SOX5: variants seen among roughly 807,000 people sequenced by gnomAD.
SOX5 encodes the protein transcription factor SOX-5.
A neutral mutation model predicts 92.0 loss-of-function variants in SOX5; 9 were observed. The ratio of observed to expected loss-of-function variants is 0.10; its 90% CI spans 0.06 to 0.17. The LOEUF is 0.17. Ranked by LOEUF, SOX5 falls within the 10% of genes least tolerant of loss-of-function variation. The pLI is 1.00. For synonymous variants in SOX5, 344 were observed against 336.3 expected (o/e 1.02, Z -0.25); for missense variants, 642 against 944.5 (o/e 0.68, Z 4.20).
intron 2 of SOX5, among the ~76,000 whole-genome samples, chr12:24,356,509 G>A (rs953319917): frequency 3.3e-5 from 5 of 151,844 alleles, no homozygotes; most frequent in African/African-American, 2.4e-5. Context: ...CTGAAATAAC[G>A]AAATAAAACA....
At chr12:23,796,098 A>G (rs1219661689) in intron 3 of SOX5, among the ~76,000 whole-genome samples, 1 of 152,150 alleles carries the variant, frequency 6.6e-6, no homozygotes, top group Non-Finnish European at 1.5e-5. Flanking sequence ...CCTTTTAACT[A>G]CAACTCAGTT....
intron 3 of SOX5, among the ~76,000 whole-genome samples, chr12:23,816,153 C>T (rs114155941): frequency 0.014 from 2,080 of 151,418 alleles, 51 homozygotes; most frequent in African/African-American, 0.048. Context: ...TATTTGCGGA[C>T]CACTGCTCTA....
chr12:24,150,485 A>C (rs1321518749), intron 4 of SOX5, among the ~76,000 whole-genome samples: 1 of 152,166 alleles, frequency 6.6e-6, no homozygotes, highest in African/African-American at 2.4e-5. Context: ...GAAGATAAAA[A>C]TTTGGTGACC....
At chr12:23,847,570 AAT>A (rs1322480275) in intron 2 of SOX5, among the ~76,000 whole-genome samples, 1 of 152,158 alleles carries the variant, frequency 6.6e-6, no homozygotes, top group East Asian at 1.9e-4. Context: ...ATAATCTGTT[AAT>A]ATGTTTTTTT....
At chr12:23,546,460 A>C (rs560846657) in intron 11 of SOX5, 36 bp from the exon 12 acceptor site, 1 of 1,179,828 alleles carries the variant, frequency 8.5e-7, no homozygotes. Context: ...CAGTCTAGGA[A>C]TTAAAATTAT....
chr12:23,830,191 T>A (rs1001200957), intron 3 of SOX5, among the ~76,000 whole-genome samples: 16 of 152,208 alleles, frequency 1.1e-4, no homozygotes, highest in Admixed American at 1.0e-3. Flanking sequence ...TTAAAACACT[T>A]ATTCCTGAAG....
At chr12:23,971,121 C>CTTTTTTTTTTTTTTT (rs71059953) in intron 4 of SOX5, among the ~76,000 whole-genome samples, 1 of 86,222 alleles carries the variant, frequency 1.2e-5, no homozygotes, top group African/African-American at 5.4e-5. Context: ...TGTCAGCTGA[C>CTTTTTTTTTTTTTTT]TTTTTTTTTT....
intron 4 of SOX5, among the ~76,000 whole-genome samples, chr12:23,968,343 T>G (rs990676081): frequency 1.3e-5 from 2 of 152,236 alleles, no homozygotes; most frequent in Non-Finnish European, 2.9e-5. Context: ...CTACTTGACC[T>G]TGGCTAAGCC....
intron 8 of SOX5, among the ~76,000 whole-genome samples, chr12:23,639,777 G>A (rs1193267253): frequency 6.6e-6 from 1 of 152,164 alleles, no homozygotes; most frequent in Non-Finnish European, 1.5e-5. Flanking sequence ...TGGCCTTTCA[G>A]AAACCCACCA....
intron 2 of SOX5, among the ~76,000 whole-genome samples, chr12:24,310,927 A>C (rs914290845): frequency 6.6e-6 from 1 of 152,124 alleles, no homozygotes; most frequent in Admixed American, 6.5e-5. Flanking sequence ...AGACTCCATT[A>C]ATGTATTTCA....
At chr12:23,677,573 C>T (rs2085912269) in intron 6 of SOX5, among the ~76,000 whole-genome samples, 1 of 152,090 alleles carries the variant, frequency 6.6e-6, no homozygotes, top group South Asian at 2.1e-4. Flanking sequence ...CCCCACAAAA[C>T]TAAAGCAAAA....
chr12:23,869,728 CT>C (rs2096853321), intron 2 of SOX5, among the ~76,000 whole-genome samples: 1 of 152,092 alleles, frequency 6.6e-6, no homozygotes, highest in East Asian at 1.9e-4. Flanking sequence ...AAAGAAGTAG[CT>C]CAGACCACAT....
intron 4 of SOX5, among the ~76,000 whole-genome samples, chr12:24,179,780 T>A (rs989556890): frequency 3.9e-5 from 6 of 152,116 alleles, no homozygotes; most frequent in Admixed American, 1.3e-4. Flanking sequence ...AAATGCTTTT[T>A]CAATTCCTGA....
chr12:23,747,675 C>G (rs2094035743), intron 4 of SOX5, among the ~76,000 whole-genome samples: 1 of 152,096 alleles, frequency 6.6e-6, no homozygotes, highest in East Asian at 1.9e-4. Flanking sequence ...ACATTTAGGC[C>G]AGACAATTTT....
At chr12:23,893,554 A>G (rs1458090946) in intron 2 of SOX5, among the ~76,000 whole-genome samples, 2 of 152,120 alleles carry the variant, frequency 1.3e-5, no homozygotes, top group Non-Finnish European at 2.9e-5. Flanking sequence ...TCTCATACCC[A>G]TCCTTCAGTA....
At chr12:24,251,709 T>C (rs1239948275) in intron 3 of SOX5, among the ~76,000 whole-genome samples, 1 of 151,828 alleles carries the variant, frequency 6.6e-6, no homozygotes, top group Non-Finnish European at 1.5e-5. Flanking sequence ...GTAGCTGGGA[T>C]TACAGGCGCC....
chr12:23,966,896 A>C (rs1027915250), intron 4 of SOX5, among the ~76,000 whole-genome samples: 17 of 152,290 alleles, frequency 1.1e-4, no homozygotes, highest in African/African-American at 4.1e-4. Flanking sequence ...AAATCACACA[A>C]ATTCCTACAT....
At chr12:24,247,351 T>TC (rs200515319) in intron 3 of SOX5, among the ~76,000 whole-genome samples, 2,054 of 152,020 alleles carry the variant, frequency 0.014, 52 homozygotes, top group African/African-American at 0.046. Flanking sequence ...GACTGCAGAG[T>TC]GAGGGAAGGT....
intron 4 of SOX5, among the ~76,000 whole-genome samples, chr12:24,179,227 A>T (rs1955184574): frequency 6.6e-6 from 1 of 152,224 alleles, no homozygotes. Context: ...AAAAGAACCA[A>T]AGGAGAAGAA....
Sources: allele counts gnomAD v4.1 joint callset (sites outside exome capture counted in the v4.1 genomes callset), GRCh38; gene constraint gnomAD v4.1.1; transcripts MANE v1.5; gene names NCBI Gene and HGNC (gene_info 2026-07-23, HGNC 2026-07-21).